Variants in LGI2 observed in about 807,000 individuals in gnomAD.
The protein encoded by LGI2 is leucine-rich repeat LGI family member 2.
Under a neutral mutation model 52.0 loss-of-function variants are expected in LGI2, and 30 were observed. The ratio of observed to expected loss-of-function variants is 0.58; its 90% CI spans 0.43 to 0.78. The LOEUF (loss-of-function observed/expected upper bound fraction) is 0.78. Ranked by LOEUF, LGI2 falls within the 30% of genes least tolerant of loss-of-function variation. The pLI is 0.00. For missense variants in LGI2, 573 were observed against 692.5 expected, an observed-to-expected ratio of 0.83 and a Z score of 1.94; for synonymous variants, 270 against 271.8, an observed-to-expected ratio of 0.99 and a Z score of 0.06.
Position 24,999,675 on chromosome 4 carries a change from T to C in LGI2, c.*3776A>G, listed in dbSNP as rs548061156. The C allele has an allele frequency of 1.4e-5, 5 of 347,598 alleles. No individual in the cohort carries two copies. The East Asian group carries it at 4.5e-4, about 31-fold the overall frequency. The allele number at this position is 347,598 out of a possible 1,614,324, so 21.5% of individuals were successfully genotyped here. ...GCAGATCTTCATCTCACCTTCATTA[T>C]ACCCCAGGCCAGAGAAATTTCCATC... is the stretch of plus-strand genomic sequence containing the variant. On this transcript the variant is annotated 3_prime_UTR_variant, in exon 8 of 8. Transcript: ENST00000382114.
downstream of LGI2, among the ~76,000 whole-genome samples, chr4:24,996,682 C>T (rs142028669): frequency 1.2e-3 from 188 of 152,248 alleles, 1 homozygote; most frequent in East Asian, 0.02. Context: ...ATGGGCTGGC[C>T]GCACCACCTT....
chr4:25,011,210 G>A (rs1041076788), intron 7 of LGI2, among the ~76,000 whole-genome samples: 1 of 152,116 alleles, frequency 6.6e-6, no homozygotes, highest in Non-Finnish European at 1.5e-5. Context: ...TATCTTCCAT[G>A]TCAGGACAAA....
rs1560292154 is a variant in LGI2, at chr4:25,018,147, C to T, written c.497G>A (p.Gly166Asp). 3 of 1,591,856 alleles carry T rather than the reference C, an allele frequency of 1.9e-6. No homozygotes were observed. Among genetic ancestry groups the T allele is most frequent in the Non-Finnish European group, 2.6e-6 (3 of 1,171,806 alleles). The change falls in exon 6 of 8, where the codon GGT becomes GAT. Residue 166 changes from glycine (G) to aspartate (D), a missense_variant. Coordinates refer to ENST00000382114, the MANE Select transcript of LGI2 (RefSeq NM_018176.4). ...LDSLIELDLRGNKFECDCKAK... is the reference protein window; with the variant it reads ...LDSLIELDLRDNKFECDCKAK... ...TTTGCAGTCACATTCAAATTTATTA[C>T]CCCTCAAATCTCTAAAAATCAAAAT...
the LGI2 span, among the ~76,000 whole-genome samples, chr4:24,993,095 G>C: frequency 2.0e-5 from 3 of 152,122 alleles, no homozygotes; most frequent in Admixed American, 6.5e-5. Context: ...GATAATGATT[G>C]GACCTGCCTC....
chr4:25,024,947 A>C lies in LGI2; in HGVS notation c.342-56T>G, dbSNP rs1268224685. The C allele has an allele frequency of 1.4e-5, 16 of 1,154,662 alleles. No homozygotes were observed. The Admixed American group carries it at 3.2e-4, about 23-fold the overall frequency. 71.5% of individuals were successfully genotyped at this position (1,154,662 alleles called of 1,614,324 possible). A position where few individuals can be genotyped will look rare whatever the true frequency, so the allele number is the denominator to read the frequency against. On this transcript the variant is annotated intron_variant, in intron 3 of 7. Coordinates refer to ENST00000382114, the MANE Select transcript of LGI2 (RefSeq NM_018176.4). The stretch of plus-strand genomic sequence containing the variant: ...ATTTTCTCTCCTTAGTATCCCAAAA[A>C]AACTATGTTGGTAAGCTTTCAGAAT...
intron 6 of LGI2, 44 bp downstream of exon 6, chr4:25,017,945 G>C: frequency 6.6e-7 from 1 of 1,506,240 alleles, no homozygotes. Context: ...AAGACAAAGA[G>C]ATTATTCTAA....
At chr4:25,028,917 C>T (rs148636488) in intron 1 of LGI2, among the ~76,000 whole-genome samples, 2 of 152,336 alleles carry the variant, frequency 1.3e-5, no homozygotes, top group East Asian at 3.9e-4. Flanking sequence ...TTCACCTCTG[C>T]CCATGATTCT....
At position 25,019,040 on chromosome 4, in the gene LGI2, C is replaced by T. The variant is rs957378853; in HGVS notation, c.485+127G>A. 2.5e-5 allele frequency: 18 copies of T among 708,038 alleles called. No individual in the cohort carries two copies. The African/African-American group carries it at 3.1e-4, about 12-fold the overall frequency. The allele number at this position is 708,038 out of a possible 1,614,324, so 43.9% of individuals were successfully genotyped here. ...ACTGTATGCTATTTCCCAGGATGCA[C>T]TACTTTGTTATAGATTTTTAACCAC... is the stretch of plus-strand genomic sequence containing the variant. On this transcript the variant is annotated intron_variant, in intron 5 of 7. Transcript: ENST00000382114.
chr4:25,023,435 T>C (rs942919618), intron 4 of LGI2, among the ~76,000 whole-genome samples: 6 of 152,238 alleles, frequency 3.9e-5, no homozygotes, highest in Middle Eastern at 3.2e-3. Flanking sequence ...CTGACACAGA[T>C]GTTTCGGCCT....
chr4:25,003,170 A>G lies in LGI2; in HGVS notation c.*281T>C. On this transcript the variant is annotated 3_prime_UTR_variant, in exon 8 of 8. Transcript: ENST00000382114. ...TCATCAAAAAGCGGGGGGGAAGCAT[A>G]TTACATTTCTAGATGATAAGAGTAA... 3.7e-6 allele frequency: 1 copy of G among 272,848 alleles called. No individual in the cohort carries two copies. Among genetic ancestry groups the G allele is most frequent in the East Asian group, 7.1e-5 (1 of 14,164 alleles). The allele number at this position is 272,848 out of a possible 1,614,324, so 16.9% of individuals were successfully genotyped here. A position where few individuals can be genotyped will look rare whatever the true frequency, so the allele number is the denominator to read the frequency against.
At chr4:25,020,338 CT>C (rs1397844435) in intron 4 of LGI2, among the ~76,000 whole-genome samples, 1 of 152,186 alleles carries the variant, frequency 6.6e-6, no homozygotes, top group Non-Finnish European at 1.5e-5. Context: ...AGCATCAACT[CT>C]TTCTCCGATG....
intron 7 of LGI2, among the ~76,000 whole-genome samples, chr4:25,011,104 A>C (rs1458046147): frequency 6.6e-6 from 1 of 151,882 alleles, no homozygotes; most frequent in African/African-American, 2.4e-5. Flanking sequence ...AATCAAAAAA[A>C]CCAAAAAACA....
intron 7 of LGI2, among the ~76,000 whole-genome samples, chr4:25,006,131 G>A (rs776905478): frequency 1.3e-5 from 2 of 152,236 alleles, no homozygotes; most frequent in Non-Finnish European, 2.9e-5. Context: ...AGTATCTAAA[G>A]AAGGAGCAAT....
At chr4:25,017,943 G>C (rs1053476144) in intron 6 of LGI2, 46 bp downstream of exon 6, 6 of 1,495,902 alleles carry the variant, frequency 4.0e-6, no homozygotes, top group Non-Finnish European at 5.4e-6. Context: ...GAAAGACAAA[G>C]AGATTATTCT....
chr4:25,026,101 T>C (rs1343680444), intron 3 of LGI2, among the ~76,000 whole-genome samples: 1 of 151,720 alleles, frequency 6.6e-6, no homozygotes, highest in East Asian at 1.9e-4. Context: ...CTTTCTTATA[T>C]CTAGGATGTG....
downstream of LGI2, among the ~76,000 whole-genome samples, chr4:24,997,470 G>A (rs1725112059): frequency 6.6e-6 from 1 of 152,142 alleles, no homozygotes; most frequent in African/African-American, 2.4e-5. Context: ...ACAAAACAAT[G>A]ATTTAATGGT....
chr4:24,994,159 C>T (rs1442733791), downstream of LGI2, among the ~76,000 whole-genome samples: 1 of 152,184 alleles, frequency 6.6e-6, no homozygotes, highest in Non-Finnish European at 1.5e-5. Context: ...TGAACAACAT[C>T]AAGTCCTTTC....
At chr4:25,024,419 C>T (rs545931064) in intron 4 of LGI2, among the ~76,000 whole-genome samples, 2 of 152,270 alleles carry the variant, frequency 1.3e-5, no homozygotes, top group South Asian at 4.1e-4. Flanking sequence ...GAGGCTGAGG[C>T]ATGATAATGG....
downstream of LGI2, among the ~76,000 whole-genome samples, chr4:24,998,333 A>G (rs117591759): frequency 1.6e-3 from 244 of 152,330 alleles, 1 homozygote; most frequent in East Asian, 0.024. Flanking sequence ...TTGACACACA[A>G]TAAGTACACA....
Sources: gnomAD v4.1 joint callset for allele counts (sites outside exome capture counted in the v4.1 genomes callset) on GRCh38, gnomAD v4.1.1 for gene constraint, MANE v1.5 for transcripts, NCBI Gene and HGNC (gene_info 2026-07-23, HGNC 2026-07-21) for gene names.